The following GALNT13 variants were observed in gnomAD, a reference collection of about 807,000 sequenced individuals.
GALNT13 encodes polypeptide N-acetylgalactosaminyltransferase 13, also known as UDP-GalNAc:polypeptide N-acetylgalactosaminyltransferase 13.
A neutral mutation model predicts 64.2 loss-of-function variants in GALNT13; 28 were observed. The ratio of observed to expected loss-of-function variants is 0.44; its 90% CI spans 0.32 to 0.60. The LOEUF (loss-of-function observed/expected upper bound fraction) is 0.60. GALNT13 is among the 20% of genes least tolerant of loss of function. The pLI is 0.05. For missense variants in GALNT13, 577 were observed against 669.8 expected, an observed-to-expected ratio of 0.86 and a Z score of 1.53; for synonymous variants, 214 against 224.6, an observed-to-expected ratio of 0.95 and a Z score of 0.42.
chr2:154,246,592 A>C (rs1233184671), intron 7 of GALNT13, among the ~76,000 whole-genome samples: 1 of 152,096 alleles, frequency 6.6e-6, no homozygotes, highest in Non-Finnish European at 1.5e-5. Context: ...CACTTTATTA[A>C]CACAAAAGTA....
chr2:153,801,169 A>G, the GALNT13 span, among the ~76,000 whole-genome samples: 1 of 152,108 alleles, frequency 6.6e-6, no homozygotes, highest in African/African-American at 2.4e-5. Context: ...AGATCATTCA[A>G]ACTTTCTTGA....
At chr2:154,255,350 G>A (rs1486006538) in intron 7 of GALNT13, among the ~76,000 whole-genome samples, 1 of 152,106 alleles carries the variant, frequency 6.6e-6, no homozygotes, top group Non-Finnish European at 1.5e-5. Context: ...CTTTCAAGAA[G>A]GTTACCAGGG....
At chr2:154,157,257 T>C (rs1684475266) in intron 4 of GALNT13, among the ~76,000 whole-genome samples, 1 of 152,170 alleles carries the variant, frequency 6.6e-6, no homozygotes, top group African/African-American at 2.4e-5. Context: ...CCCTTTACTC[T>C]GCTTTCTCCA....
the GALNT13 span, among the ~76,000 whole-genome samples, chr2:153,524,721 G>A: frequency 6.6e-6 from 1 of 152,150 alleles, no homozygotes; most frequent in Admixed American, 6.5e-5. Flanking sequence ...TAGGGGAATT[G>A]CCAATCCCAG....
intron 9 of GALNT13, among the ~76,000 whole-genome samples, chr2:154,367,200 TAAGC>T (rs1438921330): frequency 1.3e-5 from 2 of 151,940 alleles, no homozygotes; most frequent in East Asian, 1.9e-4. Flanking sequence ...GATTCGAACA[TAAGC>T]AAGATCATTC....
At chr2:153,340,325 T>A in the GALNT13 span, among the ~76,000 whole-genome samples, 4 of 152,174 alleles carry the variant, frequency 2.6e-5, no homozygotes, top group African/African-American at 7.2e-5. Context: ...TTAGCCTAAT[T>A]TCTCTGGATA....
the GALNT13 span, among the ~76,000 whole-genome samples, chr2:153,588,425 C>T: frequency 2.0e-5 from 3 of 152,202 alleles, no homozygotes; most frequent in African/African-American, 7.2e-5. Context: ...CAGAGATTCC[C>T]AAACCCCAAT....
intron 2 of GALNT13, among the ~76,000 whole-genome samples, chr2:153,920,218 ATAACT>A (rs1171001067): frequency 6.6e-6 from 1 of 151,492 alleles, no homozygotes; most frequent in African/African-American, 2.4e-5. Context: ...TCTTGAAAAA[ATAACT>A]TAGAATATGC....
intron 2 of GALNT13, among the ~76,000 whole-genome samples, chr2:153,912,211 A>G (rs1337169372): frequency 2.0e-5 from 3 of 151,864 alleles, no homozygotes; most frequent in Admixed American, 6.6e-5. Flanking sequence ...TTTACTTGCT[A>G]TTGCGTTATG....
intron 3 of GALNT13, among the ~76,000 whole-genome samples, chr2:153,989,623 G>T (rs1416929494): frequency 6.6e-6 from 1 of 151,970 alleles, no homozygotes. Context: ...AGGTATATGG[G>T]TGTAGCAAGG....
intron 9 of GALNT13, among the ~76,000 whole-genome samples, chr2:154,384,063 T>A (rs1698398675): frequency 6.6e-6 from 1 of 151,964 alleles, no homozygotes; most frequent in Non-Finnish European, 1.5e-5. Flanking sequence ...ATGTGTTTGC[T>A]ACCATTGTCT....
the GALNT13 span, among the ~76,000 whole-genome samples, chr2:153,278,262 G>T: frequency 6.6e-6 from 1 of 152,008 alleles, no homozygotes; most frequent in Non-Finnish European, 1.5e-5. Flanking sequence ...TTAAACCTCT[G>T]TCAGATGCAT....
chr2:153,226,477 A>G, the GALNT13 span, among the ~76,000 whole-genome samples: 1 of 152,182 alleles, frequency 6.6e-6, no homozygotes, highest in African/African-American at 2.4e-5. Flanking sequence ...TCAGGTAATT[A>G]AGATTAACAT....
rs1237156514 is a variant in GALNT13 at position 153,957,898 on chromosome 2, A to G, written c.142+13259A>G. ...TTTGTAAGTCATGATGAGTTAAATCAAAGAACATGGTCAACTTAACAAACT... is the reference window on the plus strand; with the variant it reads ...TTTGTAAGTCATGATGAGTTAAATCGAAGAACATGGTCAACTTAACAAACT... On this transcript the variant is annotated intron_variant, in intron 3 of 12. Transcript: ENST00000392825. 2.0e-5 allele frequency among the ~76,000 whole-genome samples: 3 copies of G among 152,198 alleles called. No individual in the cohort carries two copies. In the East Asian group the frequency reaches 5.8e-4, roughly 29 times the overall value.
chr2:153,252,548 T>C, the GALNT13 span, among the ~76,000 whole-genome samples: 15 of 151,342 alleles, frequency 9.9e-5, no homozygotes, highest in African/African-American at 3.2e-4. Flanking sequence ...TCCTTGCCCA[T>C]GCCTATGTCC....
chr2:154,155,035 G>A (rs1439680670), intron 4 of GALNT13, among the ~76,000 whole-genome samples: 1 of 151,526 alleles, frequency 6.6e-6, no homozygotes. Flanking sequence ...AATTAATTTT[G>A]CACATAAGAA....
chr2:153,798,699 G>A, the GALNT13 span, among the ~76,000 whole-genome samples: 3 of 152,064 alleles, frequency 2.0e-5, no homozygotes, highest in Admixed American at 6.6e-5. Flanking sequence ...TGTTGTATAC[G>A]GAGAAATTAT....
the GALNT13 span, among the ~76,000 whole-genome samples, chr2:153,832,481 G>T: frequency 2.0e-5 from 3 of 152,112 alleles, no homozygotes; most frequent in Non-Finnish European, 2.9e-5. Context: ...TCTTTATTTT[G>T]ACTCCACTAC....
intron 4 of GALNT13, among the ~76,000 whole-genome samples, chr2:154,224,133 G>C (rs1688464609): frequency 6.6e-6 from 1 of 151,968 alleles, no homozygotes; most frequent in African/African-American, 2.4e-5. Flanking sequence ...TGATATCATG[G>C]CAAAATAATT....
Sources: gnomAD v4.1 joint callset for allele counts (sites outside exome capture counted in the v4.1 genomes callset) on GRCh38, gnomAD v4.1.1 for gene constraint, MANE v1.5 for transcripts, NCBI Gene and HGNC (gene_info 2026-07-23, HGNC 2026-07-21) for gene names.